Variants in HBS1L observed in about 807,000 individuals in gnomAD.
The protein encoded by HBS1L is HBS1 like translational GTPase.
In HBS1L, 55 loss-of-function variants were observed where a neutral mutation model predicts 88.9. That is an observed-to-expected ratio of 0.62 (90% CI 0.50 to 0.77). The LOEUF (loss-of-function observed/expected upper bound fraction) is 0.77, where lower values mean the gene tolerates loss of function less well. HBS1L is among the 30% of genes least tolerant of loss of function. The pLI is 0.00. For synonymous variants in HBS1L, 267 were observed against 288.5 expected (o/e 0.93, Z 0.76); for missense variants, 741 against 829.3 (o/e 0.89, Z 1.31).
chr6:135,042,813 CAAAAAAAAAAAACAA>C (rs749032433), intron 2 of HBS1L, among the ~76,000 whole-genome samples: 7 of 67,606 alleles, frequency 1.0e-4, no homozygotes, highest in Non-Finnish European at 1.9e-4. Flanking sequence ...AACTCCGTCT[CAAAAAAAAAAAACAA>C]AAAAAAAAAA....
intron 12 of HBS1L, among the ~76,000 whole-genome samples, chr6:134,983,901 G>A (rs907136015): frequency 1.3e-5 from 2 of 152,136 alleles, no homozygotes; most frequent in African/African-American, 4.8e-5. Flanking sequence ...GTTAACAGGA[G>A]AAAGCAGGTC....
At chr6:135,051,714 G>T (rs1185770190) in intron 1 of HBS1L, among the ~76,000 whole-genome samples, 1 of 152,088 alleles carries the variant, frequency 6.6e-6, no homozygotes, top group Non-Finnish European at 1.5e-5. Context: ...CCAACTACCT[G>T]GCACATATGG....
At chr6:134,993,253 T>C (rs1363004819) in intron 8 of HBS1L, among the ~76,000 whole-genome samples, 1 of 152,204 alleles carries the variant, frequency 6.6e-6, no homozygotes, top group Non-Finnish European at 1.5e-5. Context: ...ATGCAAATTA[T>C]ATTTGATTTT....
chr6:135,004,280 C>T (rs1244502582), intron 4 of HBS1L, among the ~76,000 whole-genome samples: 1 of 145,572 alleles, frequency 6.9e-6, no homozygotes, highest in Admixed American at 6.8e-5. Context: ...AAAAAAAGTA[C>T]AATTAAAATT....
chr6:135,003,385 A>G (rs900779677), intron 4 of HBS1L, among the ~76,000 whole-genome samples: 2 of 152,028 alleles, frequency 1.3e-5, no homozygotes, highest in Admixed American at 1.3e-4. Flanking sequence ...AAAGAGGTTA[A>G]TGTAGAAAAA....
At chr6:135,042,531 A>G (rs1233130569) in intron 2 of HBS1L, among the ~76,000 whole-genome samples, 2 of 152,194 alleles carry the variant, frequency 1.3e-5, no homozygotes, top group Non-Finnish European at 2.9e-5. Flanking sequence ...CAAGGTGGCC[A>G]AGCGCAGTGG....
chr6:135,035,418 C>T (rs546781940), intron 4 of HBS1L, among the ~76,000 whole-genome samples: 10 of 148,942 alleles, frequency 6.7e-5, no homozygotes, highest in South Asian at 2.1e-4. Flanking sequence ...TCCAGCCTGG[C>T]GACAGAGAGA....
chr6:134,991,753 T>A (rs531020247), intron 8 of HBS1L, among the ~76,000 whole-genome samples: 1 of 152,324 alleles, frequency 6.6e-6, no homozygotes, highest in Admixed American at 6.5e-5. Context: ...ATATCCTTTT[T>A]GGTTAACAAA....
chr6:134,967,114 G>A (rs1405580826), intron 16 of HBS1L, among the ~76,000 whole-genome samples: 1 of 152,162 alleles, frequency 6.6e-6, no homozygotes, highest in African/African-American at 2.4e-5. Context: ...GACAGGGCAT[G>A]GACCAGACTG....
rs1246093149 is a variant in HBS1L at position 134,964,144 on chromosome 6, T to C, written c.*1135A>G. 6.6e-6 allele frequency: 1 copy of C among 152,154 alleles called. No homozygotes were observed. The highest frequency in any genetic ancestry group is 6.5e-5 in the Admixed American group (1 of 15,276). 9.4% of individuals were successfully genotyped at this position (152,154 alleles called of 1,614,324 possible). On this transcript the variant is annotated 3_prime_UTR_variant, in exon 18 of 18. Coordinates refer to ENST00000367837, the MANE Select transcript of HBS1L (RefSeq NM_006620.4). ...GAAAAGGTGCAGGGAGAAGAAATGCTGTTGTATATGTTAAGCCATCGATAT... is the reference window on the plus strand; with the variant it reads ...GAAAAGGTGCAGGGAGAAGAAATGCCGTTGTATATGTTAAGCCATCGATAT...
rs373468324 is a variant in HBS1L, at chr6:134,978,696, T to A, written c.1780A>T (p.Ile594Phe). The part of the protein sequence containing the change: ...RILIFNIEIP[I>F]TKGFPVLLHY... ...GAACTTACAGGAAATCCTTTAGTGA[T>A]AGGAATTTCAATATTAAAGATGAGG... The change falls in exon 15 of 18, where the codon ATC becomes TTC. Residue 594 changes from isoleucine to phenylalanine, a missense_variant. Physicochemically the swap from Ile to Phe is conservative, Grantham distance 21. Transcript: ENST00000367837. The A allele has an allele frequency of 6.3e-7, 1 of 1,582,698 alleles. No individual in the cohort carries two copies. Among genetic ancestry groups the A allele is most frequent in the Non-Finnish European group, 8.6e-7 (1 of 1,156,326 alleles).
intron 4 of HBS1L, among the ~76,000 whole-genome samples, chr6:135,021,959 A>G (rs187364289): frequency 3.3e-5 from 5 of 152,186 alleles, no homozygotes; most frequent in African/African-American, 7.2e-5. Flanking sequence ...ACAACCAAGA[A>G]AAAGCAGCAG....
intron 4 of HBS1L, among the ~76,000 whole-genome samples, chr6:135,033,669 C>A (rs1347303989): frequency 6.6e-6 from 1 of 152,152 alleles, no homozygotes; most frequent in Non-Finnish European, 1.5e-5. Context: ...CAAATGGAGA[C>A]CTAGTTCACC....
chr6:135,047,095 T>C (rs1025775997), intron 2 of HBS1L, among the ~76,000 whole-genome samples: 1 of 152,178 alleles, frequency 6.6e-6, no homozygotes, highest in African/African-American at 2.4e-5. Context: ...AGAGTCAGAC[T>C]GTCCTGAATA....
In HBS1L at chr6:134,962,909, GTGGATCC is replaced by G. The variant is rs1055988957; in HGVS notation, c.*2363_*2369del. On this transcript the variant is annotated 3_prime_UTR_variant, in exon 18 of 18. Coordinates refer to ENST00000367837, the MANE Select transcript of HBS1L (RefSeq NM_006620.4). ...CCACTGCCAACAGTCTTCTTACACA[GTGGATCC>G]TCGAAATAATATCACCACTCCTTTC... 6.6e-6 allele frequency: 1 copy of G among 152,174 alleles called. No individual in the cohort carries two copies. The highest frequency in any genetic ancestry group is 2.4e-5 in the African/African-American group (1 of 41,452). The allele number at this position is 152,174 out of a possible 1,614,324, so 9.4% of individuals were successfully genotyped here.
chr6:135,028,243 A>G (rs1049264165), intron 4 of HBS1L, among the ~76,000 whole-genome samples: 2 of 148,032 alleles, frequency 1.4e-5, no homozygotes, highest in African/African-American at 5.1e-5. Context: ...TTAGGGAAGA[A>G]AAAAACAAAT....
intron 4 of HBS1L, chr6:135,035,922 T>C: frequency 1.6e-6 from 1 of 628,460 alleles, no homozygotes; most frequent in Non-Finnish European, 2.0e-6. Flanking sequence ...TTTAAAAATG[T>C]ATAAAAATAA....
chr6:135,042,089 G>T lies in HBS1L; in HGVS notation c.147C>A (p.Ser49=). Residue 49 remains serine, a synonymous_variant, in exon 3 of 18, where the codon TCC becomes TCA. Coordinates refer to ENST00000367837, the MANE Select transcript of HBS1L (RefSeq NM_006620.4). ...AATCATATTCTTCCACAGGCTCAAC[G>T]GAAGGTTTGTCACGCCGTGAATAAA... The part of the protein sequence containing the change: ...QFIYSRRDKP[S]VEPVEEYDYE... 1 of 1,613,032 alleles carries T rather than the reference G, an allele frequency of 6.2e-7. No homozygotes were observed. The highest frequency in any genetic ancestry group is 8.5e-7 in the Non-Finnish European group (1 of 1,179,384).
At chr6:134,966,110 G>A (rs1030692172) in intron 17 of HBS1L, among the ~76,000 whole-genome samples, 1 of 151,994 alleles carries the variant, frequency 6.6e-6, no homozygotes, top group Non-Finnish European at 1.5e-5. Context: ...TAGCATAACT[G>A]TGTTTCCTTT....
Sources: gnomAD v4.1 joint callset for allele counts (sites outside exome capture counted in the v4.1 genomes callset) on GRCh38, gnomAD v4.1.1 for gene constraint, MANE v1.5 for transcripts, NCBI Gene and HGNC (gene_info 2026-07-23, HGNC 2026-07-21) for gene names.